The following CTNND2 variants were observed in gnomAD, a reference collection of about 807,000 sequenced individuals.
The protein encoded by CTNND2 is catenin delta-2.
CTNND2 carries 22 observed loss-of-function variants against 144.4 expected under a neutral mutation model. That is an observed-to-expected ratio of 0.15 (90% CI 0.11 to 0.22). CTNND2 has a LOEUF of 0.22. CTNND2 is among the 10% of genes least tolerant of loss of function. The probability of loss-of-function intolerance (pLI) is 1.00; values close to 1 mark genes in which losing one functional copy is unlikely to be tolerated. For missense variants in CTNND2, 1,353 were observed against 1,618.8 expected (o/e 0.84, Z 2.82); for synonymous variants, 751 against 695.6 (o/e 1.08, Z -1.25).
At chr5:11,258,999 G>A (rs145206819) in intron 9 of CTNND2, among the ~76,000 whole-genome samples, 76 of 152,252 alleles carry the variant, frequency 5.0e-4, no homozygotes, top group African/African-American at 1.7e-3. Flanking sequence ...TACAGTTCCC[G>A]TGATTTAATC....
At chr5:11,482,838 G>T (rs1446399605) in intron 3 of CTNND2, among the ~76,000 whole-genome samples, 1 of 152,130 alleles carries the variant, frequency 6.6e-6, no homozygotes, top group Non-Finnish European at 1.5e-5. Context: ...CAAGGGGCTG[G>T]TGCAGAACCA....
intron 1 of CTNND2, among the ~76,000 whole-genome samples, chr5:11,835,503 T>C (rs1206799929): frequency 6.6e-6 from 1 of 152,238 alleles, no homozygotes; most frequent in African/African-American, 2.4e-5. Context: ...TTAATAGCTA[T>C]AGAATTATTC....
At chr5:11,895,195 A>C (rs1413585266) in intron 1 of CTNND2, among the ~76,000 whole-genome samples, 1 of 152,188 alleles carries the variant, frequency 6.6e-6, no homozygotes, top group East Asian at 1.9e-4. Flanking sequence ...GGACTGCCAC[A>C]AACACCTTGC....
chr5:11,171,766 C>T (rs560916064), intron 11 of CTNND2, among the ~76,000 whole-genome samples: 12 of 152,168 alleles, frequency 7.9e-5, no homozygotes, highest in African/African-American at 1.4e-4. Context: ...GAGGGCATCA[C>T]GGAAGGTTCT....
At chr5:11,430,037 G>C (rs1004943454) in intron 3 of CTNND2, among the ~76,000 whole-genome samples, 1 of 152,010 alleles carries the variant, frequency 6.6e-6, no homozygotes, top group Admixed American at 6.6e-5. Context: ...GGATCATGAG[G>C]TCAGGAGTTT....
intron 3 of CTNND2, among the ~76,000 whole-genome samples, chr5:11,537,497 T>C (rs1774325984): frequency 6.6e-6 from 1 of 152,164 alleles, no homozygotes; most frequent in Non-Finnish European, 1.5e-5. Flanking sequence ...GTTTTGAAAA[T>C]CCATCTCTTC....
At chr5:11,038,094 T>A (rs1744273345) in intron 16 of CTNND2, among the ~76,000 whole-genome samples, 1 of 152,184 alleles carries the variant, frequency 6.6e-6, no homozygotes, top group Admixed American at 6.5e-5. Flanking sequence ...TAATTAGACA[T>A]GACAAGCTCA....
At chr5:11,351,082 A>G (rs1172705735) in intron 8 of CTNND2, among the ~76,000 whole-genome samples, 1 of 152,192 alleles carries the variant, frequency 6.6e-6, no homozygotes, top group East Asian at 1.9e-4. Context: ...TTGGCTCTCC[A>G]TTAGTATGGA....
chr5:11,619,864 G>A (rs904770552), intron 2 of CTNND2, among the ~76,000 whole-genome samples: 1 of 152,082 alleles, frequency 6.6e-6, no homozygotes, highest in African/African-American at 2.4e-5. Flanking sequence ...ATCCAGATTG[G>A]TGGGTATTTA....
intron 1 of CTNND2, among the ~76,000 whole-genome samples, chr5:11,774,547 T>TAA (rs1303263091): frequency 2.5e-5 from 1 of 40,584 alleles, no homozygotes; most frequent in Non-Finnish European, 1.0e-4. Flanking sequence ...ACTTAAAGTA[T>TAA]AATAAAAAAA....
intron 3 of CTNND2, among the ~76,000 whole-genome samples, chr5:11,464,038 A>T (rs1460729533): frequency 6.6e-6 from 1 of 152,184 alleles, no homozygotes; most frequent in Non-Finnish European, 1.5e-5. Context: ...ACCAAAATTT[A>T]CTTCCAAGAG....
At chr5:11,747,681 T>TA (rs1265746984) in intron 1 of CTNND2, among the ~76,000 whole-genome samples, 1 of 152,152 alleles carries the variant, frequency 6.6e-6, no homozygotes, top group Non-Finnish European at 1.5e-5. Context: ...ATTCCCTATT[T>TA]AATCATAGAT....
chr5:11,500,691 C>T (rs1770445950), intron 3 of CTNND2, among the ~76,000 whole-genome samples: 1 of 152,152 alleles, frequency 6.6e-6, no homozygotes, highest in Non-Finnish European at 1.5e-5. Flanking sequence ...GCTGTCATTC[C>T]ACACATTGAC....
At chr5:11,069,464 T>C (rs1383476691) in intron 16 of CTNND2, among the ~76,000 whole-genome samples, 2 of 152,022 alleles carry the variant, frequency 1.3e-5, no homozygotes, top group African/African-American at 2.4e-5. Context: ...ATAATGAAAA[T>C]GTTATCCGTA....
At chr5:11,298,885 T>G (rs1441392528) in intron 9 of CTNND2, among the ~76,000 whole-genome samples, 1 of 152,204 alleles carries the variant, frequency 6.6e-6, no homozygotes, top group Non-Finnish European at 1.5e-5. Flanking sequence ...TTTGTAAGAA[T>G]TAAAATGATT....
intron 1 of CTNND2, among the ~76,000 whole-genome samples, chr5:11,812,866 G>A (rs986309363): frequency 6.6e-6 from 1 of 152,018 alleles, no homozygotes; most frequent in Admixed American, 6.5e-5. Context: ...AGCCCACAAT[G>A]CCAGGACACG....
chr5:11,185,399 A>G (rs1486815812), intron 11 of CTNND2, among the ~76,000 whole-genome samples: 1 of 152,190 alleles, frequency 6.6e-6, no homozygotes, highest in Non-Finnish European at 1.5e-5. Flanking sequence ...TCAGGCATCT[A>G]TTGTGAACTG....
At chr5:11,801,401 G>A (rs1164600220) in intron 1 of CTNND2, among the ~76,000 whole-genome samples, 3 of 152,198 alleles carry the variant, frequency 2.0e-5, no homozygotes, top group East Asian at 1.9e-4. Context: ...TTTTGGCTCT[G>A]TGTTTAACAA....
intron 16 of CTNND2, among the ~76,000 whole-genome samples, chr5:11,037,401 A>T (rs1744202128): frequency 6.6e-6 from 1 of 152,158 alleles, no homozygotes. Context: ...AAGGACTCTA[A>T]CAAGTTCTTT....
Sources: gnomAD v4.1 joint callset for allele counts (sites outside exome capture counted in the v4.1 genomes callset) on GRCh38, gnomAD v4.1.1 for gene constraint, MANE v1.5 for transcripts, NCBI Gene and HGNC (gene_info 2026-07-23, HGNC 2026-07-21) for gene names.